Variants in SHISA9 observed in about 807,000 individuals in gnomAD.
SHISA9 encodes shisa family member 9, also known as protein shisa-9.
In SHISA9, 13 loss-of-function variants were observed where a neutral mutation model predicts 38.0. That is an observed-to-expected ratio of 0.34 (90% CI 0.22 to 0.54). SHISA9 has a LOEUF of 0.54. Ranked by LOEUF, SHISA9 falls within the 20% of genes least tolerant of loss-of-function variation. SHISA9 has a pLI of 0.91. For synonymous variants in SHISA9, 275 were observed against 242.0 expected (o/e 1.14, Z -1.27); for missense variants, 538 against 575.8 (o/e 0.93, Z 0.67).
chr16:13,314,972 G>T, the SHISA9 span, among the ~76,000 whole-genome samples: 1 of 151,654 alleles, frequency 6.6e-6, no homozygotes, highest in East Asian at 1.9e-4. Flanking sequence ...TAGATCTTCT[G>T]TTAAGTGTTC....
chr16:13,232,782 A>G (rs2051344411), intron 4 of SHISA9, among the ~76,000 whole-genome samples: 1 of 152,206 alleles, frequency 6.6e-6, no homozygotes, highest in African/African-American at 2.4e-5. Flanking sequence ...GGATCAATAG[A>G]AAGGGAATGT....
At chr16:13,141,390 A>G (rs2050400354) in intron 2 of SHISA9, among the ~76,000 whole-genome samples, 1 of 151,920 alleles carries the variant, frequency 6.6e-6, no homozygotes, top group Non-Finnish European at 1.5e-5. Context: ...TTCATTTTTT[A>G]TTATTAAAGA....
At chr16:13,245,847 C>T in the SHISA9 span, among the ~76,000 whole-genome samples, 1 of 152,182 alleles carries the variant, frequency 6.6e-6, no homozygotes, top group African/African-American at 2.4e-5. Flanking sequence ...TCACCCCTCC[C>T]AGAGGAGAAA....
chr16:12,943,406 T>G (rs545465811), intron 2 of SHISA9, among the ~76,000 whole-genome samples: 21 of 131,224 alleles, frequency 1.6e-4, no homozygotes, highest in African/African-American at 5.2e-4. Context: ...TCAGGGGAGA[T>G]CTTCAGAGAA....
At chr16:13,171,340 A>G (rs1392699623) in intron 2 of SHISA9, among the ~76,000 whole-genome samples, 1 of 152,256 alleles carries the variant, frequency 6.6e-6, no homozygotes, top group African/African-American at 2.4e-5. Context: ...CATCCAAACC[A>G]TATCAGGCTT....
At chr16:12,912,449 G>C (rs1168520457) in intron 1 of SHISA9, among the ~76,000 whole-genome samples, 2 of 152,128 alleles carry the variant, frequency 1.3e-5, no homozygotes, top group Non-Finnish European at 2.9e-5. Context: ...TTGGGGCGCG[G>C]GAGAGTGGGG....
the SHISA9 span, among the ~76,000 whole-genome samples, chr16:13,269,429 G>A: frequency 1.3e-5 from 2 of 152,146 alleles, no homozygotes; most frequent in African/African-American, 2.4e-5. Flanking sequence ...CAGGCTTCTG[G>A]TGATCACAAA....
the SHISA9 span, among the ~76,000 whole-genome samples, chr16:13,410,598 T>G: frequency 3.9e-5 from 6 of 152,250 alleles, no homozygotes; most frequent in South Asian, 1.2e-3. Flanking sequence ...TTCGAAAATA[T>G]GCCAAAAACA....
chr16:12,922,403 GC>G (rs2071338919), intron 2 of SHISA9, among the ~76,000 whole-genome samples: 1 of 152,246 alleles, frequency 6.6e-6, no homozygotes, highest in African/African-American at 2.4e-5. Context: ...CACTGCTCCA[GC>G]CCTCTGTGCA....
chr16:13,132,396 A>G (rs1485079991), intron 2 of SHISA9, among the ~76,000 whole-genome samples: 2 of 152,120 alleles, frequency 1.3e-5, no homozygotes, highest in African/African-American at 4.8e-5. Flanking sequence ...GACTTCATGT[A>G]TTTACTGCTT....
chr16:13,045,082 T>C (rs370359984), intron 2 of SHISA9, among the ~76,000 whole-genome samples: 7 of 152,320 alleles, frequency 4.6e-5, no homozygotes, highest in African/African-American at 1.7e-4. Flanking sequence ...GATAACAGCA[T>C]TTACCTCATA....
chr16:13,151,130 G>A (rs1056359972), intron 2 of SHISA9, among the ~76,000 whole-genome samples: 1 of 152,010 alleles, frequency 6.6e-6, no homozygotes, highest in African/African-American at 2.4e-5. Context: ...TATTTTAGAT[G>A]GAGTCTTGCT....
At chr16:13,224,382 T>G (rs1440089112) in intron 4 of SHISA9, among the ~76,000 whole-genome samples, 1 of 152,178 alleles carries the variant, frequency 6.6e-6, no homozygotes. Flanking sequence ...TAAAAGCACT[T>G]AACCTGAGCT....
intron 2 of SHISA9, among the ~76,000 whole-genome samples, chr16:12,973,442 G>A (rs1028142089): frequency 6.6e-6 from 1 of 152,154 alleles, no homozygotes. Context: ...ATAGGCTACA[G>A]ACTACGCTAG....
chr16:13,445,247 C>G, the SHISA9 span, among the ~76,000 whole-genome samples: 540 of 152,046 alleles, frequency 3.6e-3, 3 homozygotes, highest in Middle Eastern at 0.024. Context: ...GTCAAGGCAC[C>G]CACAGAGTCT....
chr16:13,212,297 T>C (rs1399918661), intron 3 of SHISA9, among the ~76,000 whole-genome samples: 1 of 152,056 alleles, frequency 6.6e-6, no homozygotes, highest in Non-Finnish European at 1.5e-5. Context: ...TGAGGAGAGG[T>C]CTCGTGGGTA....
chr16:13,175,967 T>C (rs2050728258), intron 2 of SHISA9, among the ~76,000 whole-genome samples: 1 of 152,172 alleles, frequency 6.6e-6, no homozygotes, highest in African/African-American at 2.4e-5. Context: ...TCACTCTCCC[T>C]CTGTCTCTTG....
At chr16:13,401,165 A>G in the SHISA9 span, among the ~76,000 whole-genome samples, 1 of 152,234 alleles carries the variant, frequency 6.6e-6, no homozygotes, top group Non-Finnish European at 1.5e-5. Flanking sequence ...CCTATGTGCC[A>G]GAAACTCTTC....
At chr16:13,196,764 T>A (rs2050947350) in intron 2 of SHISA9, among the ~76,000 whole-genome samples, 1 of 152,194 alleles carries the variant, frequency 6.6e-6, no homozygotes, top group African/African-American at 2.4e-5. Flanking sequence ...TTTGTAAATC[T>A]AAAACCGTTT....
Sources: gnomAD v4.1 joint callset for allele counts (sites outside exome capture counted in the v4.1 genomes callset) on GRCh38, gnomAD v4.1.1 for gene constraint, MANE v1.5 for transcripts, NCBI Gene and HGNC (gene_info 2026-07-23, HGNC 2026-07-21) for gene names.